The following ARAP3 variants were observed in gnomAD, a reference collection of about 807,000 sequenced individuals.
ARAP3 encodes ArfGAP with RhoGAP domain, ankyrin repeat and PH domain 3.
Under a neutral mutation model 169.2 loss-of-function variants are expected in ARAP3, and 82 were observed. The ratio of observed to expected loss-of-function variants is 0.48; its 90% CI spans 0.41 to 0.58. The LOEUF (loss-of-function observed/expected upper bound fraction) is 0.58. Among genes scored for constraint, ARAP3 ranks in the 20% least tolerant of loss-of-function variants. ARAP3 has a pLI of 0.00. For missense variants in ARAP3, 1,764 were observed against 2,018.0 expected (o/e 0.87, Z 2.41); for synonymous variants, 791 against 800.3 (o/e 0.99, Z 0.20).
In ARAP3 at chr5:141,672,374, G is replaced by A; in HGVS notation, c.1386-73C>T. On this transcript the variant is annotated intron_variant, in intron 9 of 32. Coordinates refer to ENST00000239440, the MANE Select transcript of ARAP3 (RefSeq NM_022481.6). This position sits in a 1 kb window ranked among gnomAD's most constrained non-coding sequence, Gnocchi z 4.9. ...CCCATCCCCCTGGCTCTTCCTGCAG[G>A]AGCCACCACAGGCCACACCTGGGGC... The A allele has an allele frequency of 2.5e-6, 4 of 1,590,384 alleles. No homozygotes were observed. Among genetic ancestry groups the A allele is most frequent in the Non-Finnish European group, 2.6e-6 (3 of 1,163,534 alleles).
At position 141,656,807 on chromosome 5, in the gene ARAP3, G is replaced by A. The variant is rs765572451; in HGVS notation, c.3566C>T (p.Ala1189Val). Residue 1189 changes from alanine (A) to valine (V), a missense_variant, in exon 26 of 33, where the codon GCT (alanine) becomes GTT (valine). Physicochemically the swap from Ala to Val is moderately conservative, Grantham distance 64 (BLOSUM62 0). Coordinates refer to ENST00000239440, the MANE Select transcript of ARAP3 (RefSeq NM_022481.6). ...LHPKEKVLEQ[A>V]LQWCQLPEPC... Reference sequence around the variant, plus strand: ...CTCTGGGAGCTGGCACCATTGTAAAGCCTGCTCTAAGACCTTTTCCTTGGG... The same window carrying A: ...CTCTGGGAGCTGGCACCATTGTAAAACCTGCTCTAAGACCTTTTCCTTGGG... 2.5e-6 allele frequency: 4 copies of A among 1,613,084 alleles called. No homozygotes were observed. Among genetic ancestry groups the A allele is most frequent in the Non-Finnish European group, 3.4e-6 (4 of 1,179,648 alleles).
Position 141,665,311 on chromosome 5 carries a change from C to T in ARAP3, c.2636G>A (p.Arg879Lys). ...KEHLVLVETG[R>K]TLYLQGEGRL... The stretch of plus-strand genomic sequence containing the variant: ...CAGGTCAAGGGCAGGGGCAATTTAC[C>T]TTCCTGTCTCCACCAGGACCAAATG... The change falls in exon 18 of 33, where the codon AGG (arginine) becomes AAG (lysine). Residue 879 changes from arginine (R) to lysine (K), a missense_variant and splice_region_variant. By Grantham distance (26) the Arg-to-Lys change is conservative. Coordinates refer to ENST00000239440, the MANE Select transcript of ARAP3 (RefSeq NM_022481.6). The T allele has an allele frequency of 6.2e-7, 1 of 1,614,204 alleles. No homozygotes were observed. Among genetic ancestry groups the T allele is most frequent in the Non-Finnish European group, 8.5e-7 (1 of 1,180,032 alleles).
At chr5:141,679,516 C>G (rs762120001) in intron 4 of ARAP3, 29 bp downstream of exon 4, 12 of 1,605,416 alleles carry the variant, frequency 7.5e-6, no homozygotes, top group Non-Finnish European at 9.4e-6. Flanking sequence ...CTGCTCCTCC[C>G]TCCCACCACT....
In ARAP3 at chr5:141,670,544, GC is replaced by G; in HGVS notation, c.2074del (p.Ala692LeufsTer49). ...FLYCSPVSNK[A>X]GPSPPRRGRD... ...GCCCCTGCGAGGGGGTGAGGGTCCA[GC>G]TTTGTTGCTGACGGGACTGCAGTAC... is the stretch of plus-strand genomic sequence containing the variant. On this transcript the variant is annotated frameshift_variant, in exon 14 of 33. Coordinates refer to ENST00000239440, the MANE Select transcript of ARAP3 (RefSeq NM_022481.6). LOFTEE classifies it high-confidence loss of function. 6.2e-7 allele frequency: 1 copy of G among 1,614,074 alleles called. No homozygotes were observed. The highest frequency in any genetic ancestry group is 8.5e-7 in the Non-Finnish European group (1 of 1,179,954).
chr5:141,665,262 G>A, intron 18 of ARAP3, 49 bp downstream of exon 18: 1 of 1,603,620 alleles, frequency 6.2e-7, no homozygotes. Flanking sequence ...CAGAGTATGG[G>A]CTCTGCTCCA....
chr5:141,670,670 C>A (rs758703893), intron 13 of ARAP3, 42 bp from the exon 14 acceptor site: 34 of 1,544,700 alleles, frequency 2.2e-5, no homozygotes, highest in Non-Finnish European at 3.0e-5. Flanking sequence ...CCAAGTGCAA[C>A]GGGATAACCT....
chr5:141,666,052 AAATAAT>A lies in ARAP3; in HGVS notation c.2572+366_2572+371del, dbSNP rs1161155267. 4.3e-5 allele frequency among the ~76,000 whole-genome samples: 6 copies of A among 140,856 alleles called. 1 individual carries two copies. The South Asian group carries it at 1.1e-3, about 26-fold the overall frequency. 92.4% of individuals were successfully genotyped at this position (140,856 alleles called of 152,430 possible). A position where few individuals can be genotyped will look rare whatever the true frequency, so the allele number is the denominator to read the frequency against. ...TGACTCTGTCTCCAAAAAAAAAAAA[AAATAAT>A]AATAATAATAATAATAACAACATTT... On this transcript the variant is annotated intron_variant, in intron 17 of 32. Transcript: ENST00000239440.
chr5:141,673,492 A>G (rs1359273887), intron 5 of ARAP3, 22 bp from the exon 6 acceptor site: 2 of 1,614,094 alleles, frequency 1.2e-6, no homozygotes, highest in Admixed American at 3.3e-5. Context: ...AGGAGCCAAG[A>G]TCAGTGTTTG....
chr5:141,675,174 C>T (rs1387248603), intron 4 of ARAP3, among the ~76,000 whole-genome samples: 2 of 152,182 alleles, frequency 1.3e-5, no homozygotes, highest in Admixed American at 1.3e-4. Context: ...CCCTGGGCTG[C>T]TTTTTCTCAT....
At chr5:141,681,864 G>A (rs187648851) in intron 1 of ARAP3, among the ~76,000 whole-genome samples, 1 of 152,116 alleles carries the variant, frequency 6.6e-6, no homozygotes, top group East Asian at 1.9e-4. Context: ...CTGAGCCTCG[G>A]GCCCTGACTC....
chr5:141,671,552 C>G lies in ARAP3; in HGVS notation c.1854+18G>C, dbSNP rs764814361. The G allele has an allele frequency of 4.3e-6, 7 of 1,613,598 alleles. No homozygotes were observed. In the South Asian group the frequency reaches 6.6e-5, roughly 15 times the overall value. On this transcript the variant is annotated intron_variant, in intron 12 of 32. Coordinates refer to ENST00000239440, the MANE Select transcript of ARAP3 (RefSeq NM_022481.6). The surrounding 1 kb of genome is among the most constrained non-coding windows in gnomAD (Gnocchi z 4.9). ...CTGACCCCCCCACCCCAGATCACCCCTGCTCTGTCCCTCCTACCTGGAGAA... is the reference window on the plus strand; with the variant it reads ...CTGACCCCCCCACCCCAGATCACCCGTGCTCTGTCCCTCCTACCTGGAGAA...
At position 141,670,020 on chromosome 5, in the gene ARAP3, C is replaced by A; in HGVS notation, c.2151G>T (p.Met717Ile). The change falls in exon 15 of 33, where the codon ATG becomes ATT. Residue 717 changes from methionine (M) to isoleucine (I), a missense_variant. Physicochemically the swap from Met to Ile is conservative, Grantham distance 10. Transcript: ENST00000239440. ...LWCVLGAALE[M>I]FASENSPEPL... The stretch of plus-strand genomic sequence containing the variant: ...GTTCAGGGCTGTTTTCCGATGCAAA[C>A]ATTTCCAGAGCTGCTCCCAGCACAC... The A allele has an allele frequency of 6.3e-7, 1 of 1,598,106 alleles. No homozygotes were observed. The highest frequency in any genetic ancestry group is 8.5e-7 in the Non-Finnish European group (1 of 1,176,062).
Position 141,672,417 on chromosome 5 carries a change from C to T in ARAP3, c.1386-116G>A. The T allele has an allele frequency of 6.7e-7, 1 of 1,490,278 alleles. No homozygotes were observed. The highest frequency in any genetic ancestry group is 9.2e-7 in the Non-Finnish European group (1 of 1,092,498). The allele number at this position is 1,490,278 out of a possible 1,614,324, so 92.3% of individuals were successfully genotyped here. On this transcript the variant is annotated intron_variant, in intron 9 of 32. Coordinates refer to ENST00000239440, the MANE Select transcript of ARAP3 (RefSeq NM_022481.6). The surrounding 1 kb of genome is among the most constrained non-coding windows in gnomAD (Gnocchi z 4.9). Reference sequence around the variant, plus strand: ...CCTGGGGCAGCCCAGACCCTTCTGACATCTTGACCTAGCTCACTGGACTAC... The same window carrying T: ...CCTGGGGCAGCCCAGACCCTTCTGATATCTTGACCTAGCTCACTGGACTAC...
intron 3 of ARAP3, 46 bp from the exon 4 acceptor site, chr5:141,679,702 G>A (rs1254260616): frequency 6.2e-7 from 1 of 1,613,626 alleles, no homozygotes; most frequent in Non-Finnish European, 8.5e-7. Flanking sequence ...AGATCGCTGG[G>A]AGTGTATGAG....
intron 21 of ARAP3, among the ~76,000 whole-genome samples, chr5:141,660,309 G>A (rs1425494163): frequency 1.3e-5 from 2 of 151,908 alleles, no homozygotes; most frequent in African/African-American, 2.4e-5. Context: ...TGGCTAACAC[G>A]GTGAAACCCC....
rs764199700 is a variant in ARAP3 at position 141,670,646 on chromosome 5, A to G, written c.1991-18T>C. ...GGAGGGGTCTGCAAGGGGAAGGGGA[A>G]GTAGTCAGGTCAACCAAGTGCAACG... is the stretch of plus-strand genomic sequence containing the variant. On this transcript the variant is annotated intron_variant, in intron 13 of 32. Coordinates refer to ENST00000239440, the MANE Select transcript of ARAP3 (RefSeq NM_022481.6). The G allele has an allele frequency of 6.2e-6, 10 of 1,609,060 alleles. No homozygotes were observed. In the African/African-American group the frequency reaches 9.4e-5, roughly 15 times the overall value.
Position 141,656,484 on chromosome 5 carries a change from C to T in ARAP3, c.3789+20G>A. ...TCCATGGCCACCCAGCATCCCACAC[C>T]TCTGGCCCCAGGGCCTCACTTTCTT... is the stretch of plus-strand genomic sequence containing the variant. On this transcript the variant is annotated intron_variant, in intron 27 of 32. Transcript: ENST00000239440. The T allele has an allele frequency of 1.9e-6, 3 of 1,607,584 alleles. No homozygotes were observed. Among genetic ancestry groups the T allele is most frequent in the East Asian group, 2.2e-5 (1 of 44,630 alleles).
rs149261645 is a variant in ARAP3, at chr5:141,668,447, C to G, written c.2352+1262G>C. Among the ~76,000 whole-genome samples the G allele has an allele frequency of 2.8e-3, 420 of 152,268 alleles. 2 individuals are homozygous for G. The highest frequency in any genetic ancestry group is 9.6e-3 in the African/African-American group (398 of 41,548). ...CACATAAAATTACTATGTCAAATTG[C>G]TATAAAATATTCTAAATGCTTACTC... On this transcript the variant is annotated intron_variant, in intron 16 of 32. Coordinates refer to ENST00000239440, the MANE Select transcript of ARAP3 (RefSeq NM_022481.6).
At position 141,670,681 on chromosome 5, in the gene ARAP3, G is replaced by C; in HGVS notation, c.1991-53C>G. On this transcript the variant is annotated intron_variant, in intron 13 of 32. Transcript: ENST00000239440. The stretch of plus-strand genomic sequence containing the variant: ...TCAACCAAGTGCAACGGGATAACCT[G>C]ACCCCCTCTGGGGAAGGGATGAAAT... The C allele has an allele frequency of 2.0e-6, 3 of 1,492,652 alleles. No homozygotes were observed. The Admixed American group carries it at 5.1e-5, about 25-fold the overall frequency. The allele number at this position is 1,492,652 out of a possible 1,614,324, so 92.5% of individuals were successfully genotyped here. A position where few individuals can be genotyped will look rare whatever the true frequency, so the allele number is the denominator to read the frequency against.
Sources: gnomAD v4.1 joint callset for allele counts (sites outside exome capture counted in the v4.1 genomes callset) on GRCh38, gnomAD v4.1.1 for gene constraint, Gnocchi (gnomAD v3.1) non-coding constraint, MANE v1.5 for transcripts, NCBI Gene and HGNC (gene_info 2026-07-23, HGNC 2026-07-21) for gene names.